Variants in CSMD3 observed in about 807,000 individuals in gnomAD.
The protein encoded by CSMD3 is CUB and sushi domain-containing protein 3.
Under a neutral mutation model 435.2 loss-of-function variants are expected in CSMD3, and 177 were observed. The observed-to-expected ratio is 0.41, with a 90% CI of 0.36 to 0.46. The LOEUF is 0.46. Among genes scored for constraint, CSMD3 ranks in the 20% least tolerant of loss-of-function variants. The probability of loss-of-function intolerance (pLI) is 0.34; values close to 1 mark genes in which losing one functional copy is unlikely to be tolerated. For synonymous variants in CSMD3, 1,656 were observed against 1,520.5 expected (o/e 1.09, Z -2.07); for missense variants, 4,265 against 4,504.6 (o/e 0.95, Z 1.52).
intron 7 of CSMD3, among the ~76,000 whole-genome samples, chr8:112,970,739 T>A (rs2084621567): frequency 1.3e-5 from 2 of 151,272 alleles, no homozygotes. Context: ...TTTTTTTTTT[T>A]TATATGGAGC....
chr8:112,602,515 A>C (rs1404824672), intron 22 of CSMD3, among the ~76,000 whole-genome samples: 2 of 151,240 alleles, frequency 1.3e-5, no homozygotes, highest in African/African-American at 2.4e-5. Context: ...GCCGTGAGCC[A>C]AGATAGTGCC....
chr8:113,201,182 A>G (rs1364517262), intron 3 of CSMD3, among the ~76,000 whole-genome samples: 3 of 151,988 alleles, frequency 2.0e-5, no homozygotes, highest in Non-Finnish European at 4.4e-5. Flanking sequence ...TAAAATGCTA[A>G]AAACAATTCC....
At chr8:112,427,558 C>T (rs1043749672) in intron 32 of CSMD3, among the ~76,000 whole-genome samples, 3 of 152,104 alleles carry the variant, frequency 2.0e-5, no homozygotes, top group African/African-American at 7.2e-5. Context: ...TCAATTAAAC[C>T]TCTTACATTT....
chr8:113,170,481 A>T (rs1371170572), intron 4 of CSMD3, among the ~76,000 whole-genome samples: 1 of 152,076 alleles, frequency 6.6e-6, no homozygotes, highest in African/African-American at 2.4e-5. Context: ...TTCTTGCTCT[A>T]TATAGTTTGT....
intron 1 of CSMD3, chr8:113,376,941 G>A (rs1028586833): frequency 3.8e-5 from 56 of 1,486,068 alleles, no homozygotes; most frequent in Non-Finnish European, 4.7e-5. Context: ...ATGACGTGCG[G>A]GTTCAGGAGG....
At chr8:113,240,122 G>A (rs965882550) in intron 3 of CSMD3, among the ~76,000 whole-genome samples, 2 of 151,954 alleles carry the variant, frequency 1.3e-5, no homozygotes, top group African/African-American at 4.8e-5. Flanking sequence ...TTCTATTCCT[G>A]TGTTAGTTTG....
At chr8:113,065,935 T>C (rs966331697) in intron 5 of CSMD3, among the ~76,000 whole-genome samples, 43 of 151,884 alleles carry the variant, frequency 2.8e-4, no homozygotes, top group African/African-American at 1.0e-3. Flanking sequence ...AGTTATATTT[T>C]ATATTATTTA....
At position 112,612,934 on chromosome 8, in the gene CSMD3, C is replaced by T. The variant is rs145509544; in HGVS notation, c.3715+23883G>A. Among the ~76,000 whole-genome samples, 469 of 150,952 alleles carry T rather than the reference C, an allele frequency of 3.1e-3. 1 individual carries two copies. The highest frequency in any genetic ancestry group is 0.011 in the African/African-American group (445 of 41,100). Reference sequence around the variant, plus strand: ...TTTTTTGAGAGACAGAGGAGTGCAGCGGGGAGGGGGATGGTTGAAGGGGTG... The same window carrying T: ...TTTTTTGAGAGACAGAGGAGTGCAGTGGGGAGGGGGATGGTTGAAGGGGTG... On this transcript the variant is annotated intron_variant, in intron 22 of 70. Coordinates refer to ENST00000297405, the MANE Select transcript of CSMD3 (RefSeq NM_198123.2).
intron 3 of CSMD3, among the ~76,000 whole-genome samples, chr8:113,245,091 T>G (rs930727002): frequency 6.6e-6 from 1 of 152,154 alleles, no homozygotes; most frequent in African/African-American, 2.4e-5. Flanking sequence ...AATATTAGTA[T>G]AGCCACTTGT....
chr8:112,707,688 C>T (rs2076529377), intron 13 of CSMD3, among the ~76,000 whole-genome samples: 1 of 152,012 alleles, frequency 6.6e-6, no homozygotes, highest in African/African-American at 2.4e-5. Flanking sequence ...CTTTCACGCT[C>T]CTGGGGCTGT....
At chr8:113,398,184 T>C (rs992775373) in intron 1 of CSMD3, among the ~76,000 whole-genome samples, 3 of 152,218 alleles carry the variant, frequency 2.0e-5, no homozygotes, top group Non-Finnish European at 4.4e-5. Flanking sequence ...ACTTTTATTC[T>C]TCACATTTGG....
chr8:113,098,758 T>C lies in CSMD3; in HGVS notation c.915A>G (p.Ile305Met), dbSNP rs749092670. The C allele has an allele frequency of 6.3e-7, 1 of 1,596,270 alleles. No individual in the cohort carries two copies. The highest frequency in any genetic ancestry group is 1.1e-5 in the South Asian group (1 of 90,688). The change falls in exon 5 of 71, where the codon ATA becomes ATG. Residue 305 changes from isoleucine (I) to methionine (M), a missense_variant and splice_region_variant. By Grantham distance (10) the Ile-to-Met change is conservative. Around this residue, in one of 3 missense-constraint regions of CSMD3, gnomAD observed 731 missense variants for 755.4 expected, o/e 0.97. Transcript: ENST00000297405. ...GTTAATAGAAGCTATTTACTTACCA[T>C]ATGGTAGGTGGCTCAGAACCTTCTA... Reference protein sequence around the residue: ...LEIEGSEPPTIWLSGMNIPPP... With the variant: ...LEIEGSEPPTMWLSGMNIPPP...
At chr8:112,704,176 C>T (rs1587015812) in intron 13 of CSMD3, among the ~76,000 whole-genome samples, 1 of 151,890 alleles carries the variant, frequency 6.6e-6, no homozygotes, top group Non-Finnish European at 1.5e-5. Context: ...AACAGGCTCT[C>T]ACTATGTTGC....
intron 32 of CSMD3, among the ~76,000 whole-genome samples, chr8:112,447,908 C>A (rs1815799656): frequency 6.6e-6 from 1 of 152,024 alleles, no homozygotes; most frequent in Admixed American, 6.6e-5. Context: ...AATTGTGTCC[C>A]CCCAAAGTGT....
At chr8:112,820,713 C>T (rs1387332463) in intron 12 of CSMD3, among the ~76,000 whole-genome samples, 1 of 150,914 alleles carries the variant, frequency 6.6e-6, no homozygotes, top group East Asian at 2.0e-4. Context: ...CGTAGGTATA[C>T]ACGTGCCATG....
intron 32 of CSMD3, among the ~76,000 whole-genome samples, chr8:112,418,377 C>T (rs187363724): frequency 6.6e-6 from 1 of 152,082 alleles, no homozygotes; most frequent in East Asian, 1.9e-4. Context: ...AAATATTAGA[C>T]ATTTTCATGA....
At chr8:113,039,231 G>T (rs566869225) in intron 5 of CSMD3, among the ~76,000 whole-genome samples, 1 of 151,940 alleles carries the variant, frequency 6.6e-6, no homozygotes, top group Non-Finnish European at 1.5e-5. Context: ...CTACCAGTTT[G>T]AATTAAAGAT....
chr8:112,307,230 C>A (rs977557395), intron 50 of CSMD3, among the ~76,000 whole-genome samples: 3 of 151,778 alleles, frequency 2.0e-5, no homozygotes, highest in African/African-American at 7.3e-5. Context: ...CTCAAGTGAT[C>A]CTCACACCTC....
intron 50 of CSMD3, 169 bp downstream of exon 50, chr8:112,310,809 C>T (rs984460645): frequency 4.2e-6 from 3 of 710,460 alleles, no homozygotes; most frequent in African/African-American, 1.8e-5. Context: ...ATGTTTCTTT[C>T]CCCTGGAATT....
Sources: allele counts gnomAD v4.1 joint callset (sites outside exome capture counted in the v4.1 genomes callset), GRCh38; gene constraint gnomAD v4.1.1; regional missense constraint gnomAD v4.1.1; transcripts MANE v1.5; gene names NCBI Gene and HGNC (gene_info 2026-07-23, HGNC 2026-07-21).